Variants in ADAMTSL1 observed in about 807,000 individuals in gnomAD.
The protein encoded by ADAMTSL1 is ADAMTS like 1.
ADAMTSL1 carries 126 observed loss-of-function variants against 201.8 expected under a neutral mutation model. The ratio of observed to expected loss-of-function variants is 0.62; its 90% CI spans 0.54 to 0.72. The LOEUF (loss-of-function observed/expected upper bound fraction) is 0.72, where lower values mean the gene tolerates loss of function less well. ADAMTSL1 is among the 30% of genes least tolerant of loss of function. ADAMTSL1 has a pLI of 0.00. For synonymous variants in ADAMTSL1, 1,121 were observed against 903.4 expected, an observed-to-expected ratio of 1.24 and a Z score of -4.32; for missense variants, 2,679 against 2,277.8, an observed-to-expected ratio of 1.18 and a Z score of -3.59.
chr9:17,963,334 G>A (rs1044858433), intron 1 of ADAMTSL1, among the ~76,000 whole-genome samples: 5 of 152,082 alleles, frequency 3.3e-5, no homozygotes, highest in Admixed American at 1.3e-4. Flanking sequence ...TTTAAACATA[G>A]ATACTAAAGA....
At chr9:18,222,282 C>T (rs1206186753) in intron 2 of ADAMTSL1, among the ~76,000 whole-genome samples, 1 of 151,552 alleles carries the variant, frequency 6.6e-6, no homozygotes, top group East Asian at 1.9e-4. Flanking sequence ...TATAATTGTT[C>T]TTATTGTCAT....
At chr9:18,582,323 G>T (rs78468503) in intron 4 of ADAMTSL1, among the ~76,000 whole-genome samples, 7,770 of 152,192 alleles carry the variant, frequency 0.051, 256 homozygotes, top group Middle Eastern at 0.095. Context: ...GAGAAACCAG[G>T]CTGTAGTCAT....
intron 4 of ADAMTSL1, among the ~76,000 whole-genome samples, chr9:18,594,198 T>C (rs1026717808): frequency 3.3e-5 from 5 of 152,170 alleles, no homozygotes; most frequent in African/African-American, 4.8e-5. Context: ...CACTCCTTCC[T>C]GGCCTGTAGG....
intron 23 of ADAMTSL1, among the ~76,000 whole-genome samples, chr9:18,838,693 G>C (rs946147267): frequency 4.0e-5 from 6 of 151,570 alleles, no homozygotes; most frequent in Non-Finnish European, 8.8e-5. Flanking sequence ...AACTAGGCAT[G>C]GTGGTGCAGG....
chr9:18,367,081 CTTCT>C (rs1363430577), intron 2 of ADAMTSL1, among the ~76,000 whole-genome samples: 2 of 152,126 alleles, frequency 1.3e-5, no homozygotes, highest in Non-Finnish European at 2.9e-5. Flanking sequence ...CTGCCTTTTT[CTTCT>C]TTAACTCTGT....
intron 2 of ADAMTSL1, among the ~76,000 whole-genome samples, chr9:18,527,064 G>T (rs1819116541): frequency 6.6e-6 from 1 of 152,200 alleles, no homozygotes; most frequent in Non-Finnish European, 1.5e-5. Flanking sequence ...CATGGTTACA[G>T]TGAGCTATGA....
At chr9:18,143,463 T>A (rs1324230088) in intron 1 of ADAMTSL1, among the ~76,000 whole-genome samples, 1 of 152,124 alleles carries the variant, frequency 6.6e-6, no homozygotes, top group Non-Finnish European at 1.5e-5. Flanking sequence ...CAGGACAATG[T>A]TGCTTAGCAG....
chr9:18,550,109 G>A (rs1347824024), intron 3 of ADAMTSL1, among the ~76,000 whole-genome samples: 1 of 151,994 alleles, frequency 6.6e-6, no homozygotes, highest in African/African-American at 2.4e-5. Context: ...AGCTTTTGGA[G>A]ATGATTTGTA....
intron 2 of ADAMTSL1, among the ~76,000 whole-genome samples, chr9:18,456,764 T>C (rs1273383724): frequency 6.6e-6 from 1 of 152,232 alleles, no homozygotes; most frequent in Non-Finnish European, 1.5e-5. Flanking sequence ...CACTGTGATC[T>C]TGGTTCAAAG....
intron 4 of ADAMTSL1, among the ~76,000 whole-genome samples, chr9:18,575,375 G>A (rs1379770170): frequency 6.6e-6 from 1 of 151,994 alleles, no homozygotes; most frequent in African/African-American, 2.4e-5. Flanking sequence ...ATATCTTAAG[G>A]TTTCCTTATA....
chr9:18,508,140 G>A (rs1439626543), intron 2 of ADAMTSL1, among the ~76,000 whole-genome samples: 1 of 151,234 alleles, frequency 6.6e-6, no homozygotes, highest in Non-Finnish European at 1.5e-5. Context: ...AGCCAAGATC[G>A]AGTCACTGCA....
At chr9:18,687,824 C>T (rs1830928298) in intron 13 of ADAMTSL1, among the ~76,000 whole-genome samples, 1 of 152,084 alleles carries the variant, frequency 6.6e-6, no homozygotes, top group Non-Finnish European at 1.5e-5. Flanking sequence ...AAATAAATAA[C>T]ACGTTATAGA....
intron 9 of ADAMTSL1, among the ~76,000 whole-genome samples, chr9:18,671,836 G>C (rs972481197): frequency 2.0e-5 from 3 of 152,100 alleles, no homozygotes; most frequent in African/African-American, 7.2e-5. Flanking sequence ...AGGAGATCGA[G>C]ACCATCCTGG....
At chr9:18,012,274 C>G (rs1407934621) in intron 1 of ADAMTSL1, among the ~76,000 whole-genome samples, 1 of 151,994 alleles carries the variant, frequency 6.6e-6, no homozygotes, top group Non-Finnish European at 1.5e-5. Flanking sequence ...CAACTCAGAT[C>G]CACTTTTATG....
At chr9:18,580,390 A>G (rs780661365) in intron 4 of ADAMTSL1, among the ~76,000 whole-genome samples, 5 of 152,214 alleles carry the variant, frequency 3.3e-5, no homozygotes, top group Non-Finnish European at 7.3e-5. Context: ...CTAAGTCACT[A>G]GTATCAAATG....
At chr9:18,063,683 G>A (rs558111713) in intron 1 of ADAMTSL1, among the ~76,000 whole-genome samples, 1 of 152,312 alleles carries the variant, frequency 6.6e-6, no homozygotes, top group East Asian at 1.9e-4. Context: ...ACGAGGAAGA[G>A]CTCCTGGATA....
At chr9:18,253,934 C>T (rs1831568474) in intron 2 of ADAMTSL1, among the ~76,000 whole-genome samples, 1 of 152,218 alleles carries the variant, frequency 6.6e-6, no homozygotes, top group South Asian at 2.1e-4. Flanking sequence ...TTTTCAAGCA[C>T]ATTGCCATCT....
At chr9:18,200,854 A>G (rs559333904) in intron 2 of ADAMTSL1, among the ~76,000 whole-genome samples, 1 of 152,158 alleles carries the variant, frequency 6.6e-6, no homozygotes, top group South Asian at 2.1e-4. Context: ...AGGATAACTA[A>G]TTACAAAGAA....
At chr9:18,093,913 C>G (rs1254585379) in intron 1 of ADAMTSL1, among the ~76,000 whole-genome samples, 1 of 152,080 alleles carries the variant, frequency 6.6e-6, no homozygotes, top group African/African-American at 2.4e-5. Context: ...TGCAATGGAG[C>G]AACTCTAAGA....
Sources: allele counts gnomAD v4.1 joint callset (sites outside exome capture counted in the v4.1 genomes callset), GRCh38; gene constraint gnomAD v4.1.1; transcripts MANE v1.5; gene names NCBI Gene and HGNC (gene_info 2026-07-23, HGNC 2026-07-21).